Variants in SGMS1 observed in about 807,000 individuals in gnomAD.
SGMS1 encodes phosphatidylcholine:ceramide cholinephosphotransferase 1.
SGMS1 carries 13 observed loss-of-function variants against 46.2 expected under a neutral mutation model. The ratio of observed to expected loss-of-function variants is 0.28; its 90% confidence interval spans 0.18 to 0.45. The LOEUF is 0.45. Among genes scored for constraint, SGMS1 ranks in the 20% least tolerant of loss-of-function variants. The probability of loss-of-function intolerance (pLI) is 1.00; values close to 1 mark genes in which losing one functional copy is unlikely to be tolerated. For missense variants in SGMS1, 324 were observed against 519.9 expected, an observed-to-expected ratio of 0.62 and a Z score of 3.66; for synonymous variants, 203 against 187.8, an observed-to-expected ratio of 1.08 and a Z score of -0.66.
intron 8 of SGMS1, among the ~76,000 whole-genome samples, chr10:50,316,887 A>G (rs528721613): frequency 3.3e-5 from 5 of 152,260 alleles, no homozygotes; most frequent in Admixed American, 2.0e-4. Context: ...GTGGCCCAAA[A>G]CAGCAAAACT....
chr10:50,509,579 T>A (rs1837736603), intron 3 of SGMS1, among the ~76,000 whole-genome samples: 1 of 152,312 alleles, frequency 6.6e-6, no homozygotes, highest in East Asian at 1.9e-4. Context: ...TAGAGTGAAA[T>A]TTGACTGCAC....
intron 6 of SGMS1, among the ~76,000 whole-genome samples, chr10:50,423,952 A>C (rs911414856): frequency 6.6e-6 from 1 of 152,260 alleles, no homozygotes; most frequent in Admixed American, 6.5e-5. Flanking sequence ...TTTCATACAC[A>C]TTATTTTACA....
chr10:50,498,460 A>G (rs1273436724), intron 3 of SGMS1, among the ~76,000 whole-genome samples: 1 of 152,150 alleles, frequency 6.6e-6, no homozygotes, highest in Non-Finnish European at 1.5e-5. Context: ...GAAATTCTGT[A>G]CCTATTAAAC....
At chr10:50,410,518 T>C (rs1383203349) in intron 6 of SGMS1, among the ~76,000 whole-genome samples, 3 of 152,224 alleles carry the variant, frequency 2.0e-5, no homozygotes, top group African/African-American at 7.2e-5. Context: ...GCATGTCTGA[T>C]GGCAGATCTC....
chr10:50,415,265 T>C (rs1035629575), intron 6 of SGMS1, among the ~76,000 whole-genome samples: 1 of 152,208 alleles, frequency 6.6e-6, no homozygotes, highest in East Asian at 1.9e-4. Context: ...CGCTACATAC[T>C]GATCATCACT....
chr10:50,425,509 A>G (rs1025129711), intron 6 of SGMS1, among the ~76,000 whole-genome samples: 1 of 152,238 alleles, frequency 6.6e-6, no homozygotes, highest in Non-Finnish European at 1.5e-5. Context: ...AAAACCAAAT[A>G]CCACATATTC....
At chr10:50,534,875 A>C (rs1246954949) in intron 2 of SGMS1, among the ~76,000 whole-genome samples, 1 of 152,180 alleles carries the variant, frequency 6.6e-6, no homozygotes, top group African/African-American at 2.4e-5. Flanking sequence ...CAGCAACTCA[A>C]ACAGTTTCCA....
At chr10:50,484,257 C>A (rs1315681411) in intron 3 of SGMS1, among the ~76,000 whole-genome samples, 8 of 152,014 alleles carry the variant, frequency 5.3e-5, no homozygotes, top group African/African-American at 1.9e-4. Flanking sequence ...TCAGAGAATA[C>A]CATAAACACC....
At chr10:50,555,705 C>G (rs1029618739) in intron 2 of SGMS1, among the ~76,000 whole-genome samples, 1 of 152,218 alleles carries the variant, frequency 6.6e-6, no homozygotes, top group Non-Finnish European at 1.5e-5. Flanking sequence ...AAAAATCTCT[C>G]TATCTAAAGA....
At chr10:50,371,728 ACTTAGTACATT>A (rs1246455685) in intron 6 of SGMS1, among the ~76,000 whole-genome samples, 1 of 152,096 alleles carries the variant, frequency 6.6e-6, no homozygotes, top group African/African-American at 2.4e-5. Context: ...ATCCTCTCTG[ACTTAGTACATT>A]CTGTGCTGCT....
chr10:50,473,908 G>C (rs1403467459), intron 3 of SGMS1: 1 of 152,224 alleles, frequency 6.6e-6, no homozygotes, highest in Non-Finnish European at 1.5e-5. Flanking sequence ...GCTTGGGTTT[G>C]ATTACTTGCT....
intron 6 of SGMS1, among the ~76,000 whole-genome samples, chr10:50,407,428 A>G (rs1589427128): frequency 6.6e-6 from 1 of 152,162 alleles, no homozygotes; most frequent in Admixed American, 6.5e-5. Flanking sequence ...CTGTCTGCCT[A>G]ACCCGAGAAA....
At chr10:50,341,289 C>T in intron 7 of SGMS1, 1 of 455,504 alleles carries the variant, frequency 2.2e-6, no homozygotes, top group South Asian at 1.6e-5. Context: ...ATCTTTCTTC[C>T]TACCTCCTAC....
chr10:50,495,071 T>C (rs111606538), intron 3 of SGMS1, among the ~76,000 whole-genome samples: 10,073 of 44,786 alleles, frequency 0.22, 1,452 homozygotes, highest in East Asian at 0.58. Context: ...ATACAAAAAA[T>C]ACAAAAAAAA....
At chr10:50,474,533 C>T (rs1837403382) in intron 3 of SGMS1, among the ~76,000 whole-genome samples, 1 of 152,112 alleles carries the variant, frequency 6.6e-6, no homozygotes, top group African/African-American at 2.4e-5. Flanking sequence ...TTGGCTGTCA[C>T]ATGATGAATT....
rs367600564 is a variant in SGMS1 at position 50,561,180 on chromosome 10, C to A, written c.-589+28973G>T. Among the ~76,000 whole-genome samples, 4 of 152,304 alleles carry A rather than the reference C, an allele frequency of 2.6e-5. No individual in the cohort carries two copies. In the East Asian group the frequency reaches 7.7e-4, roughly 29 times the overall value. On this transcript the variant is annotated intron_variant, in intron 2 of 10. Coordinates refer to ENST00000361781, the MANE Select transcript of SGMS1 (RefSeq NM_147156.4). ...ACGACCTCAGGAAAAATCAACATTT[C>A]TCTGGGTCTTTTGTCACTTGCTAAA...
chr10:50,381,466 GA>G (rs922128455), intron 6 of SGMS1, among the ~76,000 whole-genome samples: 1 of 150,996 alleles, frequency 6.6e-6, no homozygotes, highest in Admixed American at 6.6e-5. Flanking sequence ...AAGGAGATGA[GA>G]AAAAAAAATC....
chr10:50,385,676 G>C (rs1321710744), intron 6 of SGMS1, among the ~76,000 whole-genome samples: 6 of 152,164 alleles, frequency 3.9e-5, no homozygotes. Context: ...AGGTGACTTA[G>C]GGGCATGCTG....
rs138369249 is a variant in SGMS1, at chr10:50,547,478, C to T, written c.-588-27557G>A. Among the ~76,000 whole-genome samples, 1,411 of 152,120 alleles carry T rather than the reference C, an allele frequency of 9.3e-3. 5 individuals are homozygous for T. Among genetic ancestry groups the T allele is most frequent in the Non-Finnish European group, 0.014 (975 of 68,002 alleles). The stretch of plus-strand genomic sequence containing the variant: ...TAAATTCCTAGATACATATACTCTC[C>T]CAAAACTTAACCAGGAAGAAATTGA... On this transcript the variant is annotated intron_variant, in intron 2 of 10. Coordinates refer to ENST00000361781, the MANE Select transcript of SGMS1 (RefSeq NM_147156.4).
Sources: allele counts gnomAD v4.1 joint callset (sites outside exome capture counted in the v4.1 genomes callset), GRCh38; gene constraint gnomAD v4.1.1; transcripts MANE v1.5; gene names NCBI Gene and HGNC (gene_info 2026-07-23, HGNC 2026-07-21).